Variants in HSPA4L observed in about 807,000 individuals in gnomAD.
HSPA4L encodes heat shock protein family A (Hsp70) member 4 like, also known as heat shock 70 kDa protein 4L.
In HSPA4L, 48 loss-of-function variants were observed where a neutral mutation model predicts 100.3. The observed-to-expected ratio is 0.48, with a 90% confidence interval of 0.38 to 0.61. The LOEUF (loss-of-function observed/expected upper bound fraction) is 0.61. Ranked by LOEUF, HSPA4L falls within the 20% of genes least tolerant of loss-of-function variation. HSPA4L has a pLI of 0.00. For missense variants in HSPA4L, 886 were observed against 988.6 expected, an observed-to-expected ratio of 0.90 and a Z score of 1.39; for synonymous variants, 319 against 328.2, an observed-to-expected ratio of 0.97 and a Z score of 0.30.
chr4:127,810,908 T>C (rs1380515486), intron 11 of HSPA4L, among the ~76,000 whole-genome samples: 1 of 152,190 alleles, frequency 6.6e-6, no homozygotes, highest in Non-Finnish European at 1.5e-5. Flanking sequence ...AATATATATA[T>C]GAGATTTCTT....
At chr4:127,793,714 T>C (rs1312894270) in intron 1 of HSPA4L, among the ~76,000 whole-genome samples, 1 of 152,202 alleles carries the variant, frequency 6.6e-6, no homozygotes, top group Non-Finnish European at 1.5e-5. Flanking sequence ...TTCCACAAGG[T>C]TAAGTGGCAA....
chr4:127,803,243 T>G (rs1379238911), intron 6 of HSPA4L, among the ~76,000 whole-genome samples: 2 of 152,218 alleles, frequency 1.3e-5, no homozygotes, highest in African/African-American at 4.8e-5. Context: ...TCTGCTTTTC[T>G]TGGATGTTTT....
At chr4:127,810,443 G>A (rs536439642) in intron 11 of HSPA4L, among the ~76,000 whole-genome samples, 1 of 152,306 alleles carries the variant, frequency 6.6e-6, no homozygotes, top group East Asian at 1.9e-4. Context: ...GAGGTTAGAA[G>A]TCTGAAGTCA....
At chr4:127,785,622 A>G (rs922552405) in intron 1 of HSPA4L, among the ~76,000 whole-genome samples, 4 of 152,048 alleles carry the variant, frequency 2.6e-5, no homozygotes, top group Admixed American at 6.6e-5. Flanking sequence ...TTTTTAGTAG[A>G]GACGGGGTTT....
chr4:127,785,524 G>A (rs1300885050), intron 1 of HSPA4L, among the ~76,000 whole-genome samples: 4 of 151,450 alleles, frequency 2.6e-5, no homozygotes, highest in Admixed American at 6.6e-5. Flanking sequence ...TGCAACCTCC[G>A]CCTCCTGGGT....
chr4:127,824,267 C>G (rs1733888776), intron 16 of HSPA4L, among the ~76,000 whole-genome samples: 1 of 152,142 alleles, frequency 6.6e-6, no homozygotes, highest in Non-Finnish European at 1.5e-5. Context: ...GATTGAGTCT[C>G]TATTTTGGCT....
intron 1 of HSPA4L, among the ~76,000 whole-genome samples, chr4:127,783,338 G>C (rs1298575443): frequency 6.6e-6 from 1 of 152,050 alleles, no homozygotes; most frequent in Non-Finnish European, 1.5e-5. Flanking sequence ...CTTGTGCATT[G>C]GTAACTACGT....
At position 127,833,361 on chromosome 4, in the gene HSPA4L, A is replaced by G. The variant is rs1306184036; in HGVS notation, c.*487A>G. On this transcript the variant is annotated 3_prime_UTR_variant, in exon 19 of 19. Transcript: ENST00000296464. ...CAATTTAAATATTAAAACAAATAAG[A>G]GCTTTCTCAACAAATTAGTCCATCT... is the stretch of plus-strand genomic sequence containing the variant. The G allele has an allele frequency of 6.5e-6, 1 of 152,686 alleles. No homozygotes were observed. Among genetic ancestry groups the G allele is most frequent in the Non-Finnish European group, 1.5e-5 (1 of 68,076 alleles). The allele number at this position is 152,686 out of a possible 1,614,324, so 9.5% of individuals were successfully genotyped here. A position where few individuals can be genotyped will look rare whatever the true frequency, so the allele number is the denominator to read the frequency against.
chr4:127,797,871 G>A (rs140831561), intron 3 of HSPA4L, among the ~76,000 whole-genome samples: 65 of 152,102 alleles, frequency 4.3e-4, no homozygotes, highest in African/African-American at 1.6e-3. Context: ...AAGGTCCTGG[G>A]ATTACATAGA....
intron 1 of HSPA4L, among the ~76,000 whole-genome samples, chr4:127,792,373 A>G (rs1002188883): frequency 6.6e-6 from 1 of 152,206 alleles, no homozygotes; most frequent in African/African-American, 2.4e-5. Context: ...CTTAGGAACC[A>G]TTATTCCATT....
Position 127,813,788 on chromosome 4 carries a change from A to G in HSPA4L, c.1578+2152A>G, listed in dbSNP as rs1733604619. 2.0e-5 allele frequency among the ~76,000 whole-genome samples: 3 copies of G among 152,156 alleles called. No individual in the cohort carries two copies. In the South Asian group the frequency reaches 6.2e-4, roughly 32 times the overall value. On this transcript the variant is annotated intron_variant, in intron 12 of 18. Coordinates refer to ENST00000296464, the MANE Select transcript of HSPA4L (RefSeq NM_014278.4). Reference sequence around the variant, plus strand: ...CTCCCAAGTAGCTGGGACTACAGGCATGTGCCACCACGCCCAGCTAATTTT... The same window carrying G: ...CTCCCAAGTAGCTGGGACTACAGGCGTGTGCCACCACGCCCAGCTAATTTT...
intron 16 of HSPA4L, among the ~76,000 whole-genome samples, chr4:127,826,707 A>T (rs935098659): frequency 6.6e-6 from 1 of 152,166 alleles, no homozygotes; most frequent in Admixed American, 6.5e-5. Flanking sequence ...ATTTAAGTAT[A>T]TAAAGAATTT....
intron 8 of HSPA4L, among the ~76,000 whole-genome samples, chr4:127,804,623 A>ACACACACG (rs935866965): frequency 1.3e-5 from 2 of 151,120 alleles, no homozygotes; most frequent in African/African-American, 4.9e-5. Context: ...ACACACACAC[A>ACACACACG]CACACACACA....
At position 127,832,752 on chromosome 4, in the gene HSPA4L, C is replaced by T. The variant is rs1734116711; in HGVS notation, c.2398C>T (p.Pro800Ser). 6.2e-7 allele frequency: 1 copy of T among 1,613,336 alleles called. No individual in the cohort carries two copies. The highest frequency in any genetic ancestry group is 1.1e-5 in the South Asian group (1 of 90,896). ...KPKAEVPEDKPKANSEHNGPM... is the reference protein window; with the variant it reads ...KPKAEVPEDKSKANSEHNGPM... Reference sequence around the variant, plus strand: ...AAAAGCAGAAGTTCCTGAAGACAAACCAAAAGCTAATAGTGAACACAATGG... The same window carrying T: ...AAAAGCAGAAGTTCCTGAAGACAAATCAAAAGCTAATAGTGAACACAATGG... The change falls in exon 19 of 19, where the codon CCA (proline) becomes TCA (serine). Residue 800 changes from proline (P) to serine (S), a missense_variant. Coordinates refer to ENST00000296464, the MANE Select transcript of HSPA4L (RefSeq NM_014278.4).
At chr4:127,831,962 A>G (rs1025907914) in intron 18 of HSPA4L, among the ~76,000 whole-genome samples, 1 of 151,994 alleles carries the variant, frequency 6.6e-6, no homozygotes, top group African/African-American at 2.4e-5. Flanking sequence ...TTTTACTCCT[A>G]ATGAGATGAG....
Position 127,811,634 on chromosome 4 carries a change from A to G in HSPA4L, c.1576A>G (p.Met526Val), listed in dbSNP as rs1421227489. ...ATTTAAAAATGAAAACAAAGATAATATGGTATGTAGAAATTCTTTCTCAAT... is the reference window on the plus strand; with the variant it reads ...ATTTAAAAATGAAAACAAAGATAATGTGGTATGTAGAAATTCTTTCTCAAT... ...TSFKNENKDN[M>V]DKMQVDQEEG... Residue 526 changes from methionine to valine, a missense_variant and splice_region_variant, in exon 12 of 19, where the codon ATG (methionine) becomes GTG (valine). Transcript: ENST00000296464. 6.2e-7 allele frequency: 1 copy of G among 1,600,960 alleles called. No homozygotes were observed. Among genetic ancestry groups the G allele is most frequent in the South Asian group, 1.1e-5 (1 of 90,586 alleles).
At chr4:127,782,113 C>G (rs912995325), upstream of HSPA4L, 1 of 455,210 alleles carries the variant, frequency 2.2e-6, no homozygotes, top group African/African-American at 2.0e-5. Flanking sequence ...CCGCTTCTCC[C>G]GCCCCCGGAT....
chr4:127,811,437 G>T lies in HSPA4L; in HGVS notation c.1379G>T (p.Gly460Val). Residue 460 changes from glycine to valine, a missense_variant and splice_region_variant, in exon 12 of 19, where the codon GGG becomes GTG. Gly to Val is a moderately radical substitution (Grantham distance 109). Transcript: ENST00000296464. The stretch of plus-strand genomic sequence containing the variant: ...TGATTGGAGTTCTTTTTTCCTTAAG[G>T]GAGCTTCACTATTCAGAATGTTTTT... ...HEVPYPDARI[G>V]SFTIQNVFPQ... 1 of 1,610,952 alleles carries T rather than the reference G, an allele frequency of 6.2e-7. No individual in the cohort carries two copies. Among genetic ancestry groups the T allele is most frequent in the East Asian group, 2.2e-5 (1 of 44,812 alleles).
chr4:127,792,765 G>A (rs948227564), intron 1 of HSPA4L, among the ~76,000 whole-genome samples: 2 of 152,178 alleles, frequency 1.3e-5, no homozygotes, highest in African/African-American at 2.4e-5. Context: ...ACAGTGTGAG[G>A]TATGTGTTGG....
Sources: allele counts gnomAD v4.1 joint callset (sites outside exome capture counted in the v4.1 genomes callset), GRCh38; gene constraint gnomAD v4.1.1; transcripts MANE v1.5; gene names NCBI Gene and HGNC (gene_info 2026-07-23, HGNC 2026-07-21).